EML6: variants seen among roughly 807,000 people sequenced by gnomAD.
The protein encoded by EML6 is EMAP like 6, also known as echinoderm microtubule-associated protein-like 6.
EML6 carries 154 observed loss-of-function variants against 240.1 expected under a neutral mutation model. That is an observed-to-expected ratio of 0.64 (90% CI 0.56 to 0.73). The LOEUF (loss-of-function observed/expected upper bound fraction) is 0.73, where lower values mean the gene tolerates loss of function less well. Among genes scored for constraint, EML6 ranks in the 30% least tolerant of loss-of-function variants. The pLI is 0.00. For missense variants in EML6, 2,964 were observed against 2,474.6 expected, an observed-to-expected ratio of 1.20 and a Z score of -4.20; for synonymous variants, 1,148 against 899.0, an observed-to-expected ratio of 1.28 and a Z score of -4.95.
At position 54,903,077 on chromosome 2, in the gene EML6, A is replaced by T. The variant is rs1379982301; in HGVS notation, c.3158A>T (p.Lys1053Ile). Residue 1053 changes from lysine to isoleucine, a missense_variant, in exon 23 of 42, where the codon AAA becomes ATA. By Grantham distance (102) the Lys-to-Ile change is moderately radical. Transcript: ENST00000356458. Reference sequence around the variant, plus strand: ...TGCTGTGCCTTTTCCCCTGATGGGAAAGCCTTAGCGGTTGGCTTGAACGAT... The same window carrying T: ...TGCTGTGCCTTTTCCCCTGATGGGATAGCCTTAGCGGTTGGCTTGAACGAT... Reference protein sequence around the residue: ...GRCCAFSPDGKALAVGLNDGS... With the variant: ...GRCCAFSPDGIALAVGLNDGS... The T allele has an allele frequency of 5.2e-6, 8 of 1,551,776 alleles. No individual in the cohort carries two copies. The highest frequency in any genetic ancestry group is 7.0e-6 in the Non-Finnish European group (8 of 1,147,012).
intron 9 of EML6, 146 bp downstream of exon 9, chr2:54,847,769 G>C: frequency 1.1e-6 from 1 of 920,568 alleles, no homozygotes; most frequent in South Asian, 1.9e-5. Flanking sequence ...TCCCCTATCT[G>C]TAATTCTGAA....
At chr2:54,813,487 CT>C in intron 3 of EML6, 96 bp downstream of exon 3, 1 of 1,045,188 alleles carries the variant, frequency 9.6e-7, no homozygotes, top group South Asian at 1.5e-5. Flanking sequence ...TCCATCAACC[CT>C]TGCTGGTTCT....
At chr2:54,848,151 C>A (rs1246452683) in intron 9 of EML6, among the ~76,000 whole-genome samples, 3 of 152,152 alleles carry the variant, frequency 2.0e-5, no homozygotes, top group Admixed American at 6.5e-5. Flanking sequence ...AAGATTTCTT[C>A]TACCCATAAT....
chr2:54,740,783 A>G (rs1030203320), intron 2 of EML6, among the ~76,000 whole-genome samples: 1 of 150,326 alleles, frequency 6.7e-6, no homozygotes, highest in Admixed American at 6.6e-5. Context: ...TTGCAGGCCT[A>G]TTTTTCTGCA....
chr2:54,786,705 A>T (rs1467541698), intron 2 of EML6, among the ~76,000 whole-genome samples: 1 of 152,238 alleles, frequency 6.6e-6, no homozygotes, highest in Admixed American at 6.5e-5. Flanking sequence ...GGAGCAAACA[A>T]TTAGAATAAT....
At chr2:54,881,283 C>T (rs1217141337) in intron 17 of EML6, 1 of 152,108 alleles carries the variant, frequency 6.6e-6, no homozygotes, top group African/African-American at 2.4e-5. Context: ...TACATATTTA[C>T]ATAAATACAT....
intron 5 of EML6, among the ~76,000 whole-genome samples, chr2:54,826,635 A>G (rs559466163): frequency 5.9e-5 from 9 of 152,232 alleles, no homozygotes; most frequent in Non-Finnish European, 1.3e-4. Flanking sequence ...TCAATACAAA[A>G]TATTTTGTGT....
At position 54,787,158 on chromosome 2, in the gene EML6, A is replaced by G. The variant is rs562216437; in HGVS notation, c.198-26074A>G. On this transcript the variant is annotated intron_variant, in intron 2 of 41. Transcript: ENST00000356458. ...TGCAGTGTGCGTTGGTGGGAGAGAA[A>G]GCGGGTAGGGGGCTGGTTCAGGGGT... is the stretch of plus-strand genomic sequence containing the variant. Among the ~76,000 whole-genome samples the G allele has an allele frequency of 1.1e-4, 16 of 152,096 alleles. No homozygotes were observed. The South Asian group carries it at 3.1e-3, about 30-fold the overall frequency.
At chr2:54,949,023 C>A in intron 29 of EML6, 63 bp downstream of exon 29, 1 of 1,200,360 alleles carries the variant, frequency 8.3e-7, no homozygotes, top group Non-Finnish European at 1.2e-6. Context: ...GTAGACATCC[C>A]CATCTGCACG....
Position 54,954,223 on chromosome 2 carries a change from G to C in EML6, c.4486+67G>C, listed in dbSNP as rs1016848758. The C allele has an allele frequency of 7.8e-6, 11 of 1,413,498 alleles. No individual in the cohort carries two copies. In the African/African-American group the frequency reaches 1.4e-4, roughly 18 times the overall value. 87.6% of individuals were successfully genotyped at this position (1,413,498 alleles called of 1,614,324 possible). On this transcript the variant is annotated intron_variant, in intron 32 of 41. Transcript: ENST00000356458. ...CTGTGGGTGTCGAGCCTGTGGGCTCGAACCCAGATCTGCCTCACTCCGAAG... is the reference window on the plus strand; with the variant it reads ...CTGTGGGTGTCGAGCCTGTGGGCTCCAACCCAGATCTGCCTCACTCCGAAG...
At chr2:54,919,250 C>CCA (rs1674096786) in intron 26 of EML6, among the ~76,000 whole-genome samples, 2 of 145,600 alleles carry the variant, frequency 1.4e-5, no homozygotes, top group African/African-American at 2.5e-5. Flanking sequence ...CTTCCCCCCC[C>CCA]CCCCAATCCT....
intron 7 of EML6, among the ~76,000 whole-genome samples, chr2:54,838,314 A>AT (rs1030512676): frequency 6.7e-4 from 102 of 152,294 alleles, no homozygotes; most frequent in African/African-American, 2.4e-3. Flanking sequence ...TAATGTATTG[A>AT]TTCATTCCTC....
chr2:54,936,080 G>C (rs567177696), intron 28 of EML6, among the ~76,000 whole-genome samples: 4 of 152,210 alleles, frequency 2.6e-5, no homozygotes, highest in African/African-American at 9.6e-5. Flanking sequence ...ATCTCCAGAG[G>C]TTTTCATTAT....
intron 7 of EML6, among the ~76,000 whole-genome samples, chr2:54,842,991 G>A (rs1035542881): frequency 6.6e-6 from 1 of 152,136 alleles, no homozygotes; most frequent in Non-Finnish European, 1.5e-5. Context: ...TATTCCGTAG[G>A]ATATATCTAG....
rs537930973 is a variant in EML6 at position 54,762,770 on chromosome 2, C to G, written c.197+37512C>G. ...TTTGGCATCATAGCTGTTCCAGGTCCATTTTGTACTTTCCCTTCCCTAGCA... is the reference window on the plus strand; with the variant it reads ...TTTGGCATCATAGCTGTTCCAGGTCGATTTTGTACTTTCCCTTCCCTAGCA... On this transcript the variant is annotated intron_variant, in intron 2 of 41. Transcript: ENST00000356458. Among the ~76,000 whole-genome samples the G allele has an allele frequency of 2.6e-5, 4 of 152,254 alleles. No homozygotes were observed. In the South Asian group the frequency reaches 8.3e-4, roughly 32 times the overall value.
At chr2:54,793,487 T>C (rs1017442793) in intron 2 of EML6, among the ~76,000 whole-genome samples, 1 of 152,002 alleles carries the variant, frequency 6.6e-6, no homozygotes, top group Non-Finnish European at 1.5e-5. Context: ...ATTTAATTTT[T>C]TCTGTGCAAT....
Position 54,954,143 on chromosome 2 carries a change from G to C in EML6, c.4473G>C (p.Trp1491Cys). Reference sequence around the variant, plus strand: ...ACCCTGAGCACACCATCACTGTCTGGCGATGGCAGGAAGGTAAACCAGCAC... The same window carrying C: ...ACCCTGAGCACACCATCACTGTCTGCCGATGGCAGGAAGGTAAACCAGCAC... ...GVDPEHTITVWRWQEGAKVAS... is the reference protein window; with the variant it reads ...GVDPEHTITVCRWQEGAKVAS... The change falls in exon 32 of 42, where the codon TGG becomes TGC. Residue 1491 changes from tryptophan to cysteine, a missense_variant. Physicochemically the swap from Trp to Cys is radical, Grantham distance 215 (BLOSUM62 -2). Coordinates refer to ENST00000356458, the MANE Select transcript of EML6 (RefSeq NM_001039753.4). The C allele has an allele frequency of 2.6e-6, 4 of 1,550,996 alleles. No homozygotes were observed. Among genetic ancestry groups the C allele is most frequent in the Non-Finnish European group, 3.5e-6 (4 of 1,146,688 alleles).
intron 24 of EML6, among the ~76,000 whole-genome samples, chr2:54,905,361 C>G (rs1673271529): frequency 6.7e-6 from 1 of 150,248 alleles, no homozygotes; most frequent in South Asian, 2.1e-4. Context: ...CACACACACA[C>G]ACACACACAC....
chr2:54,762,249 C>T (rs1339625953), intron 2 of EML6, among the ~76,000 whole-genome samples: 2 of 151,842 alleles, frequency 1.3e-5, no homozygotes, highest in Non-Finnish European at 2.9e-5. Context: ...CTGATGTTTC[C>T]TCATGATCAG....
Sources: gnomAD v4.1 joint callset for allele counts (sites outside exome capture counted in the v4.1 genomes callset) on GRCh38, gnomAD v4.1.1 for gene constraint, MANE v1.5 for transcripts, NCBI Gene and HGNC (gene_info 2026-07-23, HGNC 2026-07-21) for gene names.